Variants in CATSPERD observed in about 807,000 individuals in gnomAD.
CATSPERD encodes the protein catsper channel auxiliary subunit delta.
Under a neutral mutation model 98.1 loss-of-function variants are expected in CATSPERD, and 86 were observed. The observed-to-expected ratio is 0.88, with a 90% CI of 0.74 to 1.05. The LOEUF (loss-of-function observed/expected upper bound fraction) is 1.05, where lower values mean the gene tolerates loss of function less well. Ranked by LOEUF, CATSPERD falls within the 50% of genes least tolerant of loss-of-function variation. The pLI, the probability that CATSPERD is intolerant of heterozygous loss-of-function variation, is 0.00. For synonymous variants in CATSPERD, 394 were observed against 390.2 expected (o/e 1.01, Z -0.12); for missense variants, 995 against 1,005.7 (o/e 0.99, Z 0.14).
At chr19:5,753,504 G>A (rs777407726) in intron 12 of CATSPERD, 32 of 263,070 alleles carry the variant, frequency 1.2e-4, no homozygotes, top group South Asian at 9.8e-4. Context: ...AGAGCTTGCA[G>A]TGAGCCGAGA....
chr19:5,724,822 G>T lies in CATSPERD; in HGVS notation c.86G>T (p.Arg29Met). 1 of 1,614,012 alleles carries T rather than the reference G, an allele frequency of 6.2e-7. No homozygotes were observed. The highest frequency in any genetic ancestry group is 8.5e-7 in the Non-Finnish European group (1 of 1,179,904). The change falls in exon 2 of 22, where the codon AGG becomes ATG. Residue 29 changes from arginine to methionine, a missense_variant. Arg to Met is a moderately conservative substitution (Grantham distance 91). Coordinates refer to ENST00000381624, the MANE Select transcript of CATSPERD (RefSeq NM_152784.4). ...GTCACTTCTAGTTCTCGCACAGTGA[G>T]GACAGGAAAAGTGTTTAATCTGATA... Reference protein sequence around the residue: ...TAQLCRSRTVRTGKVFNLIQD... With the variant: ...TAQLCRSRTVMTGKVFNLIQD...
At chr19:5,724,940 TTGGGTGCCCGTGTTGTCAA>T in intron 2 of CATSPERD, 78 bp downstream of exon 2, 1 of 1,350,300 alleles carries the variant, frequency 7.4e-7, no homozygotes, top group East Asian at 2.3e-5. Flanking sequence ...CTGGTATTTC[TTGGGTGCCCGTGTTGTCAA>T]GCATTTAAGA....
chr19:5,746,305 G>A (rs866062069), intron 9 of CATSPERD, among the ~76,000 whole-genome samples: 1 of 152,164 alleles, frequency 6.6e-6, no homozygotes, highest in African/African-American at 2.4e-5. Context: ...AATAAGTGAC[G>A]GTGACAAGAG....
intron 7 of CATSPERD, among the ~76,000 whole-genome samples, chr19:5,741,554 C>T (rs565664113): frequency 6.6e-6 from 1 of 151,982 alleles, no homozygotes; most frequent in African/African-American, 2.4e-5. Flanking sequence ...TAAGGATGCT[C>T]ATCCCAAAGA....
chr19:5,751,647 T>C lies in CATSPERD; in HGVS notation c.988T>C (p.Phe330Leu). 6.6e-7 allele frequency: 1 copy of C among 1,525,928 alleles called. No individual in the cohort carries two copies. The highest frequency in any genetic ancestry group is 8.8e-7 in the Non-Finnish European group (1 of 1,130,952). 94.5% of individuals were successfully genotyped at this position (1,525,928 alleles called of 1,614,324 possible). A position where few individuals can be genotyped will look rare whatever the true frequency, so the allele number is the denominator to read the frequency against. Reference sequence around the variant, plus strand: ...ATCTCAGGAATCATTTTCTTCTTAGTTTGCAGACCAATACATCTGGTCAGA... The same window carrying C: ...ATCTCAGGAATCATTTTCTTCTTAGCTTGCAGACCAATACATCTGGTCAGA... Reference protein sequence around the residue: ...LGIVPSSIIKFADQYIWSEDV... With the variant: ...LGIVPSSIIKLADQYIWSEDV... The change falls in exon 12 of 22, where the codon TTT (phenylalanine) becomes CTT (leucine). Residue 330 changes from phenylalanine to leucine, a missense_variant and splice_region_variant. Physicochemically the swap from Phe to Leu is conservative, Grantham distance 22 (BLOSUM62 0). This residue lies in a region of CATSPERD where 762 missense variants were observed against 773.7 expected (regional missense o/e 0.98). Transcript: ENST00000381624.
At chr19:5,746,436 C>CT (rs11392230) in intron 9 of CATSPERD, among the ~76,000 whole-genome samples, 60,285 of 149,918 alleles carry the variant, frequency 0.4, 12,284 homozygotes, top group Non-Finnish European at 0.45. Flanking sequence ...ATTTCTTTCT[C>CT]TTTTTTTTTT....
Position 5,751,035 on chromosome 19 carries a change from G to A in CATSPERD, c.988-612G>A, listed in dbSNP as rs1409877651. Among the ~76,000 whole-genome samples, 11 of 150,362 alleles carry A rather than the reference G, an allele frequency of 7.3e-5. No individual in the cohort carries two copies. In the Admixed American group the frequency reaches 7.4e-4, roughly 10 times the overall value. On this transcript the variant is annotated intron_variant, in intron 11 of 21. Transcript: ENST00000381624. ...TCAAGACCAGCCTGATCAACATGGT[G>A]AAACTCGTCTCTACTAAAAATACAA...
In CATSPERD at chr19:5,753,456, G is replaced by A; in HGVS notation, c.1165-676G>A. The stretch of plus-strand genomic sequence containing the variant: ...GGGCGCCTATAGTCTCAGCTACTTG[G>A]GAGACTGAGGCAGGAGAATGGCATG... On this transcript the variant is annotated intron_variant, in intron 12 of 21. Transcript: ENST00000381624. 5 of 188,080 alleles carry A rather than the reference G, an allele frequency of 2.7e-5. No individual in the cohort carries two copies. The South Asian group carries it at 3.6e-4, about 14-fold the overall frequency. The allele number at this position is 188,080 out of a possible 1,614,324, so 11.7% of individuals were successfully genotyped here. A position where few individuals can be genotyped will look rare whatever the true frequency, so the allele number is the denominator to read the frequency against.
intron 16 of CATSPERD, among the ~76,000 whole-genome samples, chr19:5,764,547 G>A (rs8108424): frequency 0.66 from 100,184 of 151,188 alleles, 36,776 homozygotes; most frequent in Non-Finnish European, 0.82. Flanking sequence ...TCGATCTCCT[G>A]ACCTCGTGAT....
At chr19:5,743,991 CTTTTT>C (rs1323967387) in intron 7 of CATSPERD, among the ~76,000 whole-genome samples, 2 of 151,766 alleles carry the variant, frequency 1.3e-5, no homozygotes, top group Non-Finnish European at 2.9e-5. Context: ...CTTTTCTTTT[CTTTTT>C]TGAGACAAGG....
At chr19:5,750,378 G>A (rs2056186492) in intron 11 of CATSPERD, among the ~76,000 whole-genome samples, 2 of 149,060 alleles carry the variant, frequency 1.3e-5, no homozygotes, top group Admixed American at 1.3e-4. Context: ...GTGAATCCAG[G>A]AGGCGGAGCT....
At chr19:5,759,036 C>G in intron 14 of CATSPERD, 50 bp from the exon 15 acceptor site, 1 of 1,554,526 alleles carries the variant, frequency 6.4e-7, no homozygotes, top group Non-Finnish European at 8.9e-7. Flanking sequence ...GTTGGGGATG[C>G]CCATGGTGTT....
chr19:5,737,988 C>G (rs1044736642), intron 6 of CATSPERD, among the ~76,000 whole-genome samples: 2 of 152,098 alleles, frequency 1.3e-5, no homozygotes, highest in East Asian at 3.8e-4. Context: ...GGGACGTTTT[C>G]AGATCCACCG....
chr19:5,744,563 G>GT, intron 8 of CATSPERD, 53 bp downstream of exon 8: 1 of 1,302,382 alleles, frequency 7.7e-7, no homozygotes, highest in Non-Finnish European at 1.1e-6. Context: ...CCAAGCCCAG[G>GT]TTTTTGTTAC....
intron 7 of CATSPERD, 48 bp from the exon 8 acceptor site, chr19:5,744,379 T>A (rs1354412103): frequency 4.8e-6 from 7 of 1,444,442 alleles, no homozygotes; most frequent in Non-Finnish European, 6.8e-6. Context: ...GACAAACACA[T>A]GTGTATTAAG....
chr19:5,746,160 C>G (rs1043739902), intron 9 of CATSPERD, 97 bp downstream of exon 9: 2 of 1,297,382 alleles, frequency 1.5e-6, no homozygotes, highest in African/African-American at 3.0e-5. Context: ...AGCAACCCCT[C>G]GACCACTCGG....
At chr19:5,737,038 CAG>C (rs1228846829) in intron 5 of CATSPERD, 98 bp from the exon 6 acceptor site, 1 of 674,034 alleles carries the variant, frequency 1.5e-6, no homozygotes, top group African/African-American at 1.8e-5. Flanking sequence ...GCCTGGGCGA[CAG>C]AGCAAGACTC....
intron 5 of CATSPERD, among the ~76,000 whole-genome samples, chr19:5,734,570 G>A (rs2055804754): frequency 6.6e-6 from 1 of 152,072 alleles, no homozygotes; most frequent in Admixed American, 6.6e-5. Flanking sequence ...CCTGGGAGGT[G>A]GAGGTTGCGG....
chr19:5,748,355 G>T (rs995216840), intron 10 of CATSPERD, 100 bp downstream of exon 10: 1 of 1,112,612 alleles, frequency 9.0e-7, no homozygotes, highest in Non-Finnish European at 1.4e-6. Context: ...AATCAGCTGG[G>T]CGCGGTGGCT....
Sources: gnomAD v4.1 joint callset for allele counts (sites outside exome capture counted in the v4.1 genomes callset) on GRCh38, gnomAD v4.1.1 for gene constraint, gnomAD v4.1.1 regional missense constraint, MANE v1.5 for transcripts, NCBI Gene and HGNC (gene_info 2026-07-23, HGNC 2026-07-21) for gene names.